Variants in SDK1 observed in about 807,000 individuals in gnomAD.
SDK1 encodes sidekick cell adhesion molecule 1, also known as protein sidekick-1.
A neutral mutation model predicts 245.5 loss-of-function variants in SDK1; 157 were observed. The observed-to-expected ratio is 0.64, with a 90% confidence interval of 0.56 to 0.73. The LOEUF (loss-of-function observed/expected upper bound fraction) is 0.73. Ranked by LOEUF, SDK1 falls within the 30% of genes least tolerant of loss-of-function variation. The pLI, the probability that SDK1 is intolerant of heterozygous loss-of-function variation, is 0.00. For missense variants in SDK1, 3,583 were observed against 3,002.3 expected (o/e 1.19, Z -4.52); for synonymous variants, 1,647 against 1,278.5 (o/e 1.29, Z -6.15).
At chr7:3,824,508 GC>G (rs1325293285) in intron 5 of SDK1, among the ~76,000 whole-genome samples, 4 of 152,136 alleles carry the variant, frequency 2.6e-5, no homozygotes, top group Non-Finnish European at 1.5e-5. Flanking sequence ...GTGTCATGCA[GC>G]CCCGCCTCTT....
At chr7:3,866,284 G>A (rs958375926) in intron 5 of SDK1, among the ~76,000 whole-genome samples, 12 of 152,130 alleles carry the variant, frequency 7.9e-5, no homozygotes, top group Non-Finnish European at 1.6e-4. Flanking sequence ...CCCATTCCAG[G>A]CTCAGGGAAT....
At chr7:3,921,625 A>G (rs1347343331) in intron 5 of SDK1, among the ~76,000 whole-genome samples, 2 of 152,118 alleles carry the variant, frequency 1.3e-5, no homozygotes, top group East Asian at 3.9e-4. Context: ...GGGAATCTAA[A>G]GGCGCCAAGA....
chr7:4,221,348 C>A lies in SDK1; in HGVS notation c.5811C>A (p.Ile1937=), dbSNP rs370797282. 1 of 1,609,716 alleles carries A rather than the reference C, an allele frequency of 6.2e-7. No homozygotes were observed. The highest frequency in any genetic ancestry group is 1.1e-5 in the South Asian group (1 of 90,234). ...ACACACCTACCACGGGCTATGTGAT[C>A]GAGGCCCGGCCCTCAGGTAGGGTGG... ...SGDTPTTGYV[I]EARPSDEGLW... The change falls in exon 40 of 45, where the codon ATC becomes ATA. Residue 1937 remains isoleucine (I), a synonymous_variant. Transcript: ENST00000404826.
At chr7:3,783,486 A>T (rs966471644) in intron 4 of SDK1, among the ~76,000 whole-genome samples, 2 of 151,864 alleles carry the variant, frequency 1.3e-5, no homozygotes. Context: ...AAAAAAAAAA[A>T]CCCTGTTGGA....
Position 3,432,566 on chromosome 7 carries a change from T to G in SDK1, c.298+130682T>G, listed in dbSNP as rs565056996. ...GTAACTATTTTAGTTATTTAAAAGA[T>G]TACTACCGAAGGGAAGAAACATATT... On this transcript the variant is annotated intron_variant, in intron 1 of 44. Transcript: ENST00000404826. Among the ~76,000 whole-genome samples, 628 of 152,326 alleles carry G rather than the reference T, an allele frequency of 4.1e-3. 8 individuals carry two copies. The highest frequency in any genetic ancestry group is 0.018 in the South Asian group (88 of 4,822).
rs138842697 is a variant in SDK1, at chr7:3,919,735, G to A, written c.848-31188G>A. 5.0e-3 allele frequency among the ~76,000 whole-genome samples: 755 copies of A among 152,236 alleles called. 7 individuals carry two copies. Among genetic ancestry groups the A allele is most frequent in the African/African-American group, 0.017 (705 of 41,532 alleles). Reference sequence around the variant, plus strand: ...TTAACAGCTGTTAGCTTGAAAGAACGTATGGTTTTGTTGGGAACTGTAAGG... The same window carrying A: ...TTAACAGCTGTTAGCTTGAAAGAACATATGGTTTTGTTGGGAACTGTAAGG... On this transcript the variant is annotated intron_variant, in intron 5 of 44. Coordinates refer to ENST00000404826, the MANE Select transcript of SDK1 (RefSeq NM_152744.4).
chr7:4,194,410 A>G (rs10230983), intron 35 of SDK1, among the ~76,000 whole-genome samples: 11,891 of 98,708 alleles, frequency 0.12, 1,127 homozygotes, highest in African/African-American at 0.18. Context: ...ATGTATGCAC[A>G]TATGTGTATA....
At chr7:3,757,782 G>C (rs926115794) in intron 4 of SDK1, among the ~76,000 whole-genome samples, 1 of 152,104 alleles carries the variant, frequency 6.6e-6, no homozygotes, top group African/African-American at 2.4e-5. Context: ...TAAATCGTTG[G>C]TCCTAGGTGA....
chr7:4,222,175 T>A (rs900833126), intron 40 of SDK1, among the ~76,000 whole-genome samples: 6 of 152,242 alleles, frequency 3.9e-5, no homozygotes, highest in African/African-American at 1.4e-4. Flanking sequence ...TTAAACAGGC[T>A]ATTAGACCAA....
At chr7:3,938,166 T>C (rs1178749959) in intron 5 of SDK1, among the ~76,000 whole-genome samples, 2 of 152,148 alleles carry the variant, frequency 1.3e-5, no homozygotes, top group Non-Finnish European at 2.9e-5. Context: ...CAGCTAAAAG[T>C]GATCTGTTAC....
intron 25 of SDK1, among the ~76,000 whole-genome samples, chr7:4,122,317 G>T (rs953466281): frequency 1.3e-5 from 2 of 152,138 alleles, no homozygotes; most frequent in Non-Finnish European, 2.9e-5. Flanking sequence ...TTGAAATGGG[G>T]GGAGGCAGGG....
At chr7:4,017,122 C>G in intron 16 of SDK1, 49 bp from the exon 17 acceptor site, 2 of 1,539,058 alleles carry the variant, frequency 1.3e-6, no homozygotes, top group Non-Finnish European at 1.8e-6. Flanking sequence ...AAACACCGTT[C>G]CTGGGTCCAG....
At chr7:4,093,788 G>A (rs1781960896) in intron 22 of SDK1, among the ~76,000 whole-genome samples, 1 of 152,224 alleles carries the variant, frequency 6.6e-6, no homozygotes, top group African/African-American at 2.4e-5. Flanking sequence ...ATCCTGGGCT[G>A]ATGGATGGGA....
At chr7:4,245,965 G>A (rs1786827918) in intron 44 of SDK1, among the ~76,000 whole-genome samples, 160 bp downstream of exon 44, 3 of 152,164 alleles carry the variant, frequency 2.0e-5, no homozygotes, top group Non-Finnish European at 4.4e-5. Flanking sequence ...GAAAAGAGCC[G>A]AAATTCAACC....
intron 5 of SDK1, among the ~76,000 whole-genome samples, chr7:3,888,205 AC>A (rs1324912176): frequency 1.3e-5 from 2 of 152,148 alleles, no homozygotes; most frequent in Non-Finnish European, 2.9e-5. Flanking sequence ...AGGAACTCAT[AC>A]CCTTGTAGCT....
intron 1 of SDK1, among the ~76,000 whole-genome samples, chr7:3,588,702 C>T (rs977521524): frequency 6.6e-6 from 1 of 152,190 alleles, no homozygotes. Flanking sequence ...CAGGTTTTAT[C>T]AACATCTGTA....
At chr7:3,519,518 T>C (rs185378373) in intron 1 of SDK1, among the ~76,000 whole-genome samples, 2 of 152,256 alleles carry the variant, frequency 1.3e-5, no homozygotes, top group Admixed American at 6.5e-5. Flanking sequence ...CTGTATTGCT[T>C]GCTATGTTTT....
At position 4,215,440 on chromosome 7, in the gene SDK1, T is replaced by C. The variant is rs1333232864; in HGVS notation, c.5540-4669T>C. On this transcript the variant is annotated intron_variant, in intron 38 of 44. Coordinates refer to ENST00000404826, the MANE Select transcript of SDK1 (RefSeq NM_152744.4). ...TGAGGCAAGCAGCTTCAAAAGCATT[T>C]GCACGTGGGAGGCACCCTGGTCCTC... Among the ~76,000 whole-genome samples the C allele has an allele frequency of 3.9e-5, 6 of 152,212 alleles. No individual in the cohort carries two copies. In the East Asian group the frequency reaches 1.2e-3, roughly 29 times the overall value.
chr7:3,746,666 A>T lies in SDK1; in HGVS notation c.714-74784A>T, dbSNP rs115671025. ...TTTTCTTTGCTTATCCATAAGAAAT[A>T]CCTCATCATTGGTTACAGTTTATTA... is the stretch of plus-strand genomic sequence containing the variant. On this transcript the variant is annotated intron_variant, in intron 4 of 44. Coordinates refer to ENST00000404826, the MANE Select transcript of SDK1 (RefSeq NM_152744.4). 5.3e-3 allele frequency among the ~76,000 whole-genome samples: 814 copies of T among 152,354 alleles called. 6 individuals are homozygous for T. The highest frequency in any genetic ancestry group is 0.018 in the African/African-American group (764 of 41,576).
Sources: gnomAD v4.1 joint callset for allele counts (sites outside exome capture counted in the v4.1 genomes callset) on GRCh38, gnomAD v4.1.1 for gene constraint, MANE v1.5 for transcripts, NCBI Gene and HGNC (gene_info 2026-07-23, HGNC 2026-07-21) for gene names.